The following PLXNA2 variants were observed in gnomAD, a reference collection of about 807,000 sequenced individuals.
The protein encoded by PLXNA2 is plexin A2, also known as plexin-A2.
Under a neutral mutation model 193.5 loss-of-function variants are expected in PLXNA2, and 91 were observed. That is an observed-to-expected ratio of 0.47 (90% CI 0.40 to 0.56). PLXNA2 has a LOEUF of 0.56. Among genes scored for constraint, PLXNA2 ranks in the 20% least tolerant of loss-of-function variants. The probability of loss-of-function intolerance (pLI) is 0.00; values close to 1 mark genes in which losing one functional copy is unlikely to be tolerated. For missense variants in PLXNA2, 1,995 were observed against 2,503.2 expected, an observed-to-expected ratio of 0.80 and a Z score of 4.33; for synonymous variants, 997 against 1,027.3, an observed-to-expected ratio of 0.97 and a Z score of 0.56.
chr1:208,054,805 G>A (rs754900487), intron 13 of PLXNA2, among the ~76,000 whole-genome samples: 1 of 152,162 alleles, frequency 6.6e-6, no homozygotes, highest in Non-Finnish European at 1.5e-5. Context: ...CTAATTCTGT[G>A]GCCATTTCTG....
chr1:208,229,810 T>C (rs142433669), intron 1 of PLXNA2, among the ~76,000 whole-genome samples: 33 of 152,218 alleles, frequency 2.2e-4, no homozygotes, highest in African/African-American at 6.7e-4. Context: ...AAATGACAAA[T>C]TCACAATATA....
At chr1:208,163,372 A>G (rs1669194552) in intron 3 of PLXNA2, among the ~76,000 whole-genome samples, 1 of 152,218 alleles carries the variant, frequency 6.6e-6, no homozygotes, top group South Asian at 2.1e-4. Context: ...TAAAAGTCTC[A>G]GCCTGGGCTG....
At chr1:208,184,685 C>G (rs564018966) in intron 3 of PLXNA2, among the ~76,000 whole-genome samples, 37 of 152,254 alleles carry the variant, frequency 2.4e-4, no homozygotes, top group African/African-American at 8.4e-4. Context: ...CCCAGCTCAC[C>G]CTTGAGCCTG....
At position 208,217,880 on chromosome 1, in the gene PLXNA2, T is replaced by C. The variant is rs1450739014; in HGVS notation, c.43A>G (p.Ser15Gly). Residue 15 changes from serine to glycine, a missense_variant, in exon 2 of 32, where the codon AGC becomes GGC. This residue lies in a region of PLXNA2 where 702 missense variants were observed against 812.9 expected (regional missense o/e 0.86). Transcript: ENST00000367033. The surrounding 1 kb of genome is among the most constrained non-coding windows in gnomAD (Gnocchi z 4.7). ...ACTGAGAGCAGGACCACAGAGCGGC[T>C]GTCCACCTCCAGGGCCCGGGGCCAG... Reference protein sequence around the residue: ...RPWPRALEVDSRSVVLLSVVW... With the variant: ...RPWPRALEVDGRSVVLLSVVW... 6.2e-7 allele frequency: 1 copy of C among 1,612,484 alleles called. No homozygotes were observed. The highest frequency in any genetic ancestry group is 8.5e-7 in the Non-Finnish European group (1 of 1,179,854).
At chr1:208,067,972 A>T (rs1395700088) in intron 12 of PLXNA2, among the ~76,000 whole-genome samples, 1 of 152,086 alleles carries the variant, frequency 6.6e-6, no homozygotes. Context: ...TACTCAAAAG[A>T]TGCCTCCTCA....
At chr1:208,029,978 A>T in intron 29 of PLXNA2, 1 of 985,338 alleles carries the variant, frequency 1.0e-6, no homozygotes, top group Non-Finnish European at 1.2e-6. Context: ...CCAGCTCCCC[A>T]GCTTCTTCTT....
intron 1 of PLXNA2, among the ~76,000 whole-genome samples, chr1:208,231,438 C>T (rs1021270692): frequency 5.9e-5 from 9 of 152,028 alleles, no homozygotes; most frequent in Non-Finnish European, 1.0e-4. Flanking sequence ...CAACATGTTC[C>T]GCACCGGATG....
At chr1:208,091,660 C>T (rs999213927) in intron 9 of PLXNA2, among the ~76,000 whole-genome samples, 4 of 152,034 alleles carry the variant, frequency 2.6e-5, no homozygotes, top group African/African-American at 9.7e-5. Context: ...ATCATGAGGT[C>T]AAGAGATCGA....
At chr1:208,040,800 G>C (rs935153731) in intron 22 of PLXNA2, among the ~76,000 whole-genome samples, 3 of 152,246 alleles carry the variant, frequency 2.0e-5, no homozygotes, top group African/African-American at 7.2e-5. Flanking sequence ...AGAGAGCAGT[G>C]CTTAAGTGTT....
chr1:208,092,895 A>G lies in PLXNA2; in HGVS notation c.1988T>C (p.Leu663Pro), dbSNP rs769800792. The change falls in exon 9 of 32, where the codon CTG becomes CCG. Residue 663 changes from leucine to proline, a missense_variant. Transcript: ENST00000367033. Reference sequence around the variant, plus strand: ...GCGGAAGGCGCTGTTGACACAGGACAGGCACCTGCAAGGACAGAGATGGTG... The same window carrying G: ...GCGGAAGGCGCTGTTGACACAGGACGGGCACCTGCAAGGACAGAGATGGTG... ...FYNCSAHQLC[L>P]SCVNSAFRCH... 9.9e-6 allele frequency: 16 copies of G among 1,612,030 alleles called. No individual in the cohort carries two copies. The highest frequency in any genetic ancestry group is 1.4e-5 in the Non-Finnish European group (16 of 1,178,236).
intron 3 of PLXNA2, among the ~76,000 whole-genome samples, chr1:208,163,346 G>A (rs1669193909): frequency 1.3e-5 from 2 of 152,232 alleles, no homozygotes; most frequent in African/African-American, 4.8e-5. Flanking sequence ...GCCAGCACAA[G>A]TTCAAGAATA....
At chr1:208,202,216 G>A (rs1670573941) in intron 3 of PLXNA2, among the ~76,000 whole-genome samples, 1 of 152,052 alleles carries the variant, frequency 6.6e-6, no homozygotes, top group African/African-American at 2.4e-5. Context: ...CTGACCTCAG[G>A]TGATCAGCCC....
rs955498468 is a variant in PLXNA2, at chr1:208,189,511, A to G, written c.1371+20769T>C. Among the ~76,000 whole-genome samples, 14 of 55,428 alleles carry G rather than the reference A, an allele frequency of 2.5e-4. No individual in the cohort carries two copies. In the East Asian group the frequency reaches 6.0e-3, roughly 24 times the overall value. The allele number at this position is 55,428 out of a possible 152,430, so 36.4% of individuals were successfully genotyped here. On this transcript the variant is annotated intron_variant, in intron 3 of 31. Transcript: ENST00000367033. The stretch of plus-strand genomic sequence containing the variant: ...TGAGCTCCTGAGAAGAGATAAAGAG[A>G]AAAAAAAAAAAGCGAACCTGGGGCT...
rs1191764529 is a variant in PLXNA2, at chr1:208,214,348, A to AT, written c.1188+2386dup. On this transcript the variant is annotated intron_variant, in intron 2 of 31. Transcript: ENST00000367033. ...ATGAAAAGAAGACAATATTATCTCT[A>AT]TTTTAAAGACGAAAAATTTACAGCT... Among the ~76,000 whole-genome samples the AT allele has an allele frequency of 2.6e-5, 4 of 152,350 alleles. No homozygotes were observed. In the East Asian group the frequency reaches 7.7e-4, roughly 29 times the overall value.
chr1:208,215,918 C>G (rs1437105214), intron 2 of PLXNA2, among the ~76,000 whole-genome samples: 2 of 152,164 alleles, frequency 1.3e-5, no homozygotes, highest in Non-Finnish European at 2.9e-5. Flanking sequence ...TCATCCTCTC[C>G]TCTTTTGCCT....
At chr1:208,160,213 A>C (rs1669067881) in intron 3 of PLXNA2, among the ~76,000 whole-genome samples, 1 of 150,514 alleles carries the variant, frequency 6.6e-6, no homozygotes. Context: ...CATTAGTACA[A>C]CCCCCCCCGC....
At chr1:208,158,469 A>G (rs1669006231) in intron 3 of PLXNA2, among the ~76,000 whole-genome samples, 1 of 152,090 alleles carries the variant, frequency 6.6e-6, no homozygotes, top group African/African-American at 2.4e-5. Flanking sequence ...CAGACTCCAG[A>G]GGCAGTTAAG....
chr1:208,039,607 T>C lies in PLXNA2; in HGVS notation c.4500+14A>G, dbSNP rs1192706127. 2 of 1,612,986 alleles carry C rather than the reference T, an allele frequency of 1.2e-6. No individual in the cohort carries two copies. Among genetic ancestry groups the C allele is most frequent in the Non-Finnish European group, 1.7e-6 (2 of 1,180,004 alleles). On this transcript the variant is annotated intron_variant, in intron 24 of 31. Coordinates refer to ENST00000367033, the MANE Select transcript of PLXNA2 (RefSeq NM_025179.4). Reference sequence around the variant, plus strand: ...AAGATACACAGGCGGGCCCGGAGCTTCCGGCTTCCTCACCAGGGTCTTGTA... The same window carrying C: ...AAGATACACAGGCGGGCCCGGAGCTCCCGGCTTCCTCACCAGGGTCTTGTA...
At chr1:208,053,425 G>C (rs1665326297) in intron 14 of PLXNA2, among the ~76,000 whole-genome samples, 1 of 152,156 alleles carries the variant, frequency 6.6e-6, no homozygotes, top group Non-Finnish European at 1.5e-5. Context: ...CCCTGCCCTG[G>C]GTAAGAGATG....
Sources: allele counts gnomAD v4.1 joint callset (sites outside exome capture counted in the v4.1 genomes callset), GRCh38; gene constraint gnomAD v4.1.1; regional missense constraint gnomAD v4.1.1; non-coding constraint Gnocchi (gnomAD v3.1); transcripts MANE v1.5; gene names NCBI Gene and HGNC (gene_info 2026-07-23, HGNC 2026-07-21).